Variants in DNAH3 observed in about 807,000 individuals in gnomAD.
DNAH3 encodes axonemal beta dynein heavy chain 3.
Under a neutral mutation model 432.5 loss-of-function variants are expected in DNAH3, and 332 were observed. That is an observed-to-expected ratio of 0.77 (90% CI 0.70 to 0.84). The LOEUF is 0.84. Among genes scored for constraint, DNAH3 ranks in the 40% least tolerant of loss-of-function variants. The pLI, the probability that DNAH3 is intolerant of heterozygous loss-of-function variation, is 0.00. For missense variants in DNAH3, 4,861 were observed against 5,114.0 expected, an observed-to-expected ratio of 0.95 and a Z score of 1.51; for synonymous variants, 1,956 against 1,900.2, an observed-to-expected ratio of 1.03 and a Z score of -0.76.
At chr16:21,000,234 C>G (rs1276774243) in exon 43 of DNAH3, 2 of 1,613,498 alleles carry the variant, frequency 1.2e-6, no homozygotes, top group Admixed American at 3.3e-5. Context: ...CCACAAACAC[C>G]ACTGCTTTCT....
chr16:21,141,304 TG>T lies in DNAH3; in HGVS notation c.516del (p.Thr173LeufsTer15). 1 of 1,585,698 alleles carries T rather than the reference TG, an allele frequency of 6.3e-7. No individual in the cohort carries two copies. Among genetic ancestry groups the T allele is most frequent in the Non-Finnish European group, 8.6e-7 (1 of 1,162,830 alleles). ...GTGCCCACAGTGATATCTTACCTAG[TG>T]GAATCCTCTTTGTTTCTGGAGGAAA... On this transcript the variant is annotated frameshift_variant, in exon 4 of 62. Coordinates refer to ENST00000261383, the Ensembl canonical transcript of DNAH3. LOFTEE classifies it high-confidence loss of function.
exon 27 of DNAH3, chr16:21,058,126 G>A: frequency 6.2e-7 from 1 of 1,613,776 alleles, no homozygotes; most frequent in Non-Finnish European, 8.5e-7. Context: ...CACCTCCTGG[G>A]TCCAAAAGAT....
chr16:21,096,322 G>A (rs190061919), intron 18 of DNAH3, among the ~76,000 whole-genome samples: 133 of 151,474 alleles, frequency 8.8e-4, no homozygotes, highest in African/African-American at 3.1e-3. Flanking sequence ...GTAGAGACAG[G>A]GTTCTCACTA....
At chr16:20,950,199 T>G (rs2084249262) in intron 56 of DNAH3, among the ~76,000 whole-genome samples, 1 of 152,178 alleles carries the variant, frequency 6.6e-6, no homozygotes, top group Non-Finnish European at 1.5e-5. Flanking sequence ...ACCCACTGTA[T>G]GCGTACTGTG....
intron 58 of DNAH3, 134 bp downstream of exon 58, chr16:20,944,362 C>G (rs1450810361): frequency 1.0e-6 from 1 of 1,001,110 alleles, no homozygotes; most frequent in Non-Finnish European, 1.5e-6. Flanking sequence ...CCACAGTGCT[C>G]CTTCCCTGCC....
rs1286389645 is a variant in DNAH3 at position 21,098,744 on chromosome 16, C to G, written c.2392G>C (p.Glu798Gln). The G allele has an allele frequency of 2.5e-6, 4 of 1,611,474 alleles. No homozygotes were observed. The Admixed American group carries it at 6.8e-5, about 27-fold the overall frequency. Residue 798 changes from glutamate to glutamine, a missense_variant, in exon 17 of 62, where the codon GAG (glutamate) becomes CAG (glutamine). Coordinates refer to ENST00000261383, the Ensembl canonical transcript of DNAH3. ...CTTTCCAGTTCTCTGTGGTAGCCCT[C>G]AAGTCTCAACTCAAATTCTGAGCAT... is the stretch of plus-strand genomic sequence containing the variant.
chr16:21,033,936 G>A, intron 36 of DNAH3, 38 bp downstream of exon 36: 2 of 1,481,828 alleles, frequency 1.3e-6, no homozygotes, highest in Non-Finnish European at 1.9e-6. Context: ...TGAGCGAGGA[G>A]TTCTGTCCTC....
At chr16:21,091,411 CA>C (rs1183041055) in intron 18 of DNAH3, among the ~76,000 whole-genome samples, 1 of 151,280 alleles carries the variant, frequency 6.6e-6, no homozygotes, top group Non-Finnish European at 1.5e-5. Context: ...CCAGAATCAA[CA>C]AAACAAACTC....
At chr16:21,038,431 G>A (rs1020523257) in intron 33 of DNAH3, among the ~76,000 whole-genome samples, 1 of 152,110 alleles carries the variant, frequency 6.6e-6, no homozygotes, top group Non-Finnish European at 1.5e-5. Flanking sequence ...GGTGGGAGGA[G>A]CTCTTGAGCC....
exon 58 of DNAH3, chr16:20,944,602 T>G (rs765224983): frequency 3.1e-6 from 5 of 1,614,062 alleles, no homozygotes; most frequent in Admixed American, 1.7e-5. Flanking sequence ...TGCGTTCTCA[T>G]GGAGGCCGAA....
intron 55 of DNAH3, 110 bp from the exon 56 acceptor site, chr16:20,952,659 G>C: frequency 1.4e-6 from 1 of 722,116 alleles, no homozygotes; most frequent in Admixed American, 2.0e-5. Flanking sequence ...CCTCTTTCAG[G>C]CTCATGAATA....
At position 21,069,402 on chromosome 16, in the gene DNAH3, TATAAAA is replaced by T; in HGVS notation, c.3381+7_3381+12del. On this transcript the variant is annotated splice_region_variant and intron_variant, in intron 23 of 61. Coordinates refer to ENST00000261383, the Ensembl canonical transcript of DNAH3. Reference sequence around the variant, plus strand: ...TTTCTGCTGGTAAGAGTTATTAGGGTATAAAAACTTACCGCTTGGGACATAAGTGAT... The same window carrying T: ...TTTCTGCTGGTAAGAGTTATTAGGGTACTTACCGCTTGGGACATAAGTGAT... The T allele has an allele frequency of 6.2e-7, 1 of 1,610,106 alleles. No homozygotes were observed. Among genetic ancestry groups the T allele is most frequent in the Middle Eastern group, 1.7e-4 (1 of 6,054 alleles).
chr16:21,100,215 G>A (rs999549184), intron 16 of DNAH3, among the ~76,000 whole-genome samples: 6 of 152,064 alleles, frequency 3.9e-5, no homozygotes, highest in Admixed American at 3.3e-4. Flanking sequence ...GAGATTATAG[G>A]TGCCCGCCAC....
intron 55 of DNAH3, among the ~76,000 whole-genome samples, chr16:20,953,093 G>C (rs566567226): frequency 1.3e-5 from 2 of 152,222 alleles, no homozygotes; most frequent in East Asian, 3.9e-4. Context: ...AAAGAGTATG[G>C]GGAAACCTGT....
At chr16:21,003,707 C>T (rs1567621002) in intron 41 of DNAH3, among the ~76,000 whole-genome samples, 2 of 151,864 alleles carry the variant, frequency 1.3e-5, no homozygotes, top group South Asian at 4.2e-4. Context: ...CCCAGGAGGC[C>T]GAGGTTGCAG....
chr16:20,974,107 G>T (rs536515990), intron 51 of DNAH3, among the ~76,000 whole-genome samples: 1 of 151,858 alleles, frequency 6.6e-6, no homozygotes, highest in Non-Finnish European at 1.5e-5. Context: ...CTGTAGCCTC[G>T]ACCTCCTGGG....
At chr16:21,138,018 C>G (rs1018586294) in intron 5 of DNAH3, among the ~76,000 whole-genome samples, 2 of 151,778 alleles carry the variant, frequency 1.3e-5, no homozygotes, top group African/African-American at 2.4e-5. Flanking sequence ...GAGGCCAAGG[C>G]GGGTGGATCA....
chr16:21,069,342 A>C, intron 23 of DNAH3, 73 bp downstream of exon 23: 1 of 1,297,984 alleles, frequency 7.7e-7, no homozygotes, highest in Non-Finnish European at 1.1e-6. Flanking sequence ...GTTTCAAGGA[A>C]GGTGACTAGA....
At chr16:21,020,391 ATATATATTTTTTT>A (rs1482625372) in intron 40 of DNAH3, among the ~76,000 whole-genome samples, 3 of 28,510 alleles carry the variant, frequency 1.1e-4, no homozygotes, top group African/African-American at 1.6e-4. Context: ...ATATATATAT[ATATATATTTTTTT>A]TTTTTTTTTT....
Sources: gnomAD v4.1 joint callset for allele counts (sites outside exome capture counted in the v4.1 genomes callset) on GRCh38, gnomAD v4.1.1 for gene constraint, MANE v1.5 for transcripts, NCBI Gene and HGNC (gene_info 2026-07-23, HGNC 2026-07-21) for gene names.